TICAM1: variants seen among roughly 807,000 people sequenced by gnomAD.
TICAM1 encodes TIR domain containing adaptor molecule 1.
For synonymous variants in TICAM1, 439 were observed against 415.4 expected, an observed-to-expected ratio of 1.06 and a Z score of -0.69; for missense variants, 895 against 938.2, an observed-to-expected ratio of 0.95 and a Z score of 0.60.
chr19:4,829,139 T>C (rs999229541), intron 1 of TICAM1, among the ~76,000 whole-genome samples: 2 of 152,206 alleles, frequency 1.3e-5, no homozygotes, highest in East Asian at 1.9e-4. Context: ...CCGGCCTGTA[T>C]AGGACTCTTA....
At chr19:4,826,524 C>A (rs565784559) in intron 1 of TICAM1, among the ~76,000 whole-genome samples, 2 of 152,088 alleles carry the variant, frequency 1.3e-5, no homozygotes, top group South Asian at 4.1e-4. Context: ...GGGGTTTCAC[C>A]ATGTTGCCCA....
chr19:4,828,384 A>C (rs2093608944), intron 1 of TICAM1, among the ~76,000 whole-genome samples: 1 of 151,584 alleles, frequency 6.6e-6, no homozygotes, highest in African/African-American at 2.4e-5. Context: ...CTACAGGCAC[A>C]TGCCACCATG....
intron 1 of TICAM1, among the ~76,000 whole-genome samples, chr19:4,826,450 G>A (rs112728470): frequency 4.1e-4 from 63 of 151,946 alleles, no homozygotes; most frequent in African/African-American, 1.4e-3. Flanking sequence ...TCAGCCTTCC[G>A]GGTAGCTGGG....
chr19:4,821,195 CAA>C (rs76432448), intron 1 of TICAM1, among the ~76,000 whole-genome samples: 10 of 122,318 alleles, frequency 8.2e-5, no homozygotes, highest in Admixed American at 1.7e-4. Flanking sequence ...AACTCCATCT[CAA>C]AAAAAAAAAA....
Position 4,818,336 on chromosome 19 carries a change from A to G in TICAM1, c.42T>C (p.Ile14=). ...GCTTGTCCTGGCCTGCTGCACCTAG[A>G]ATGTCGAAGGCGCTAGGAAGTGATG... is the stretch of plus-strand genomic sequence containing the variant. ...TGPSLPSAFD[I]LGAAGQDKLL... The change falls in exon 2 of 2, where the codon ATT becomes ATC. Residue 14 remains isoleucine (I), a synonymous_variant. Transcript: ENST00000248244. This position sits in a 1 kb window ranked among gnomAD's most constrained non-coding sequence, Gnocchi z 4.0. 6.2e-7 allele frequency: 1 copy of G among 1,611,786 alleles called. No individual in the cohort carries two copies. The highest frequency in any genetic ancestry group is 1.1e-5 in the South Asian group (1 of 90,952).
At chr19:4,830,523 T>G (rs1457890079) in intron 1 of TICAM1, among the ~76,000 whole-genome samples, 2 of 152,174 alleles carry the variant, frequency 1.3e-5, no homozygotes, top group African/African-American at 4.8e-5. Flanking sequence ...CACACTCTCA[T>G]GCAGCCTTTC....
chr19:4,818,002 T>C lies in TICAM1; in HGVS notation c.376A>G (p.Ser126Gly). Residue 126 changes from serine (S) to glycine (G), a missense_variant, in exon 2 of 2, where the codon AGC becomes GGC. Transcript: ENST00000248244. The surrounding 1 kb of genome is among the most constrained non-coding windows in gnomAD (Gnocchi z 4.0). ...VAYQEAVRTL[S>G]SRDDHRLGEL... ...CCCAGCCGGTGGTCGTCCCTGGAGC[T>C]GAGGGTGCGGACGGCTTCCTGGTAG... 2 of 1,612,248 alleles carry C rather than the reference T, an allele frequency of 1.2e-6. No individual in the cohort carries two copies. The highest frequency in any genetic ancestry group is 1.7e-6 in the Non-Finnish European group (2 of 1,179,874).
intron 1 of TICAM1, among the ~76,000 whole-genome samples, chr19:4,827,378 A>G (rs1378185558): frequency 3.9e-4 from 23 of 59,152 alleles, no homozygotes; most frequent in Non-Finnish European, 6.9e-4. Flanking sequence ...TCTCCAAAAA[A>G]AAAAAAAAAA....
At position 4,817,516 on chromosome 19, in the gene TICAM1, G is replaced by A. The variant is rs1205741026; in HGVS notation, c.862C>T (p.Pro288Ser). The A allele has an allele frequency of 2.5e-6, 4 of 1,613,798 alleles. No homozygotes were observed. The highest frequency in any genetic ancestry group is 3.4e-6 in the Non-Finnish European group (4 of 1,179,904). Reference sequence around the variant, plus strand: ...GTTTCTGGAGCTGCGGGGGTATCAGGGAGGCCAGTGGAGGTTGCATCTGGG... The same window carrying A: ...GTTTCTGGAGCTGCGGGGGTATCAGAGAGGCCAGTGGAGGTTGCATCTGGG... ...VAPDATSTGLPDTPAAPETST... is the reference protein window; with the variant it reads ...VAPDATSTGLSDTPAAPETST... The change falls in exon 2 of 2, where the codon CCT becomes TCT. Residue 288 changes from proline (P) to serine (S), a missense_variant. Pro to Ser is a moderately conservative substitution (Grantham distance 74). Coordinates refer to ENST00000248244, the MANE Select transcript of TICAM1 (RefSeq NM_182919.4). This position sits in a 1 kb window ranked among gnomAD's most constrained non-coding sequence, Gnocchi z 4.7.
At chr19:4,820,419 A>G (rs1599144777) in intron 1 of TICAM1, among the ~76,000 whole-genome samples, 1 of 128,268 alleles carries the variant, frequency 7.8e-6, no homozygotes, top group African/African-American at 2.8e-5. Flanking sequence ...GACTCCATCT[A>G]AAAAAAAAAA....
Position 4,817,829 on chromosome 19 carries a change from G to A in TICAM1, c.549C>T (p.Asp183=), listed in dbSNP as rs759330259. Residue 183 remains aspartate (D), a synonymous_variant, in exon 2 of 2, where the codon GAC becomes GAT. Transcript: ENST00000248244. The surrounding 1 kb of genome is among the most constrained non-coding windows in gnomAD (Gnocchi z 4.7). ...ACCCTTGGCTCCAGTCCGAAACACC[G>A]TCAATGGGGCGTGGGAGGCTCCTGG... ...SGTRSLPRPI[D]GVSDWSQGCS... 2.4e-5 allele frequency: 39 copies of A among 1,607,488 alleles called. No homozygotes were observed. The highest frequency in any genetic ancestry group is 2.2e-4 in the East Asian group (10 of 44,812).
chr19:4,825,537 AT>A (rs1568367196), intron 1 of TICAM1, among the ~76,000 whole-genome samples: 1 of 151,416 alleles, frequency 6.6e-6, no homozygotes, highest in African/African-American at 2.4e-5. Flanking sequence ...CTAATTTTTA[AT>A]TAATTAAGGC....
chr19:4,819,623 A>T (rs4807647), intron 1 of TICAM1, among the ~76,000 whole-genome samples: 1 of 152,188 alleles, frequency 6.6e-6, no homozygotes, highest in East Asian at 1.9e-4. Context: ...CTGTAATCCC[A>T]GCACTTTGGG....
chr19:4,828,619 C>T (rs182028583), intron 1 of TICAM1, among the ~76,000 whole-genome samples: 3 of 152,012 alleles, frequency 2.0e-5, no homozygotes, highest in Middle Eastern at 3.4e-3. Context: ...CTACAGCCTC[C>T]GCATCCTGGG....
intron 1 of TICAM1, among the ~76,000 whole-genome samples, chr19:4,822,018 C>A (rs2093598419): frequency 6.6e-6 from 1 of 151,974 alleles, no homozygotes; most frequent in Non-Finnish European, 1.5e-5. Flanking sequence ...TCACCGTAAC[C>A]TCCACCTCCC....
At chr19:4,827,116 C>T (rs886346243) in intron 1 of TICAM1, among the ~76,000 whole-genome samples, 9 of 151,288 alleles carry the variant, frequency 5.9e-5, no homozygotes, top group African/African-American at 1.9e-4. Flanking sequence ...TTTGAGAGGC[C>T]GAGGCGGGTG....
rs1021048263 is a variant in TICAM1 at position 4,831,708 on chromosome 19, G to A, written c.-234C>T. 2 of 152,372 alleles carry A rather than the reference G, an allele frequency of 1.3e-5. No homozygotes were observed. Among genetic ancestry groups the A allele is most frequent in the Non-Finnish European group, 2.9e-5 (2 of 68,168 alleles). The allele number at this position is 152,372 out of a possible 1,614,324, so 9.4% of individuals were successfully genotyped here. ...GCCCGCGGACCGTAGCGCGCTGAGG[G>A]CGCTGGCTCCACCCCGCGGCCCGCG... On this transcript the variant is annotated 5_prime_UTR_variant, in exon 1 of 2. Coordinates refer to ENST00000248244, the MANE Select transcript of TICAM1 (RefSeq NM_182919.4).
intron 1 of TICAM1, among the ~76,000 whole-genome samples, chr19:4,819,718 C>A (rs1358673474): frequency 2.0e-5 from 3 of 151,832 alleles, no homozygotes; most frequent in Non-Finnish European, 4.4e-5. Flanking sequence ...ACTAAAAATA[C>A]AAAAAAATTA....
intron 1 of TICAM1, among the ~76,000 whole-genome samples, chr19:4,820,044 A>T (rs977946424): frequency 1.3e-5 from 2 of 152,186 alleles, no homozygotes; most frequent in Non-Finnish European, 2.9e-5. Context: ...AAGAGAAGCC[A>T]GAGATCTAGA....
Sources: gnomAD v4.1 joint callset for allele counts (sites outside exome capture counted in the v4.1 genomes callset) on GRCh38, gnomAD v4.1.1 for gene constraint, Gnocchi (gnomAD v3.1) non-coding constraint, MANE v1.5 for transcripts, NCBI Gene and HGNC (gene_info 2026-07-23, HGNC 2026-07-21) for gene names.